The following CMIP variants were observed in gnomAD, a reference collection of about 807,000 sequenced individuals.
CMIP encodes C-Maf-inducing protein.
In CMIP, 13 loss-of-function variants were observed where a neutral mutation model predicts 97.3. The ratio of observed to expected loss-of-function variants is 0.13; its 90% CI spans 0.09 to 0.21. The LOEUF (loss-of-function observed/expected upper bound fraction) is 0.21. Ranked by LOEUF, CMIP falls within the 10% of genes least tolerant of loss-of-function variation. The pLI, the probability that CMIP is intolerant of heterozygous loss-of-function variation, is 1.00. For missense variants in CMIP, 847 were observed against 1,024.9 expected (o/e 0.83, Z 2.37); for synonymous variants, 538 against 436.3 (o/e 1.23, Z -2.91).
chr16:81,681,650 T>G (rs1904887320), intron 10 of CMIP, among the ~76,000 whole-genome samples: 1 of 152,158 alleles, frequency 6.6e-6, no homozygotes, highest in Non-Finnish European at 1.5e-5. Context: ...GCGAGATGCG[T>G]CATTGATTCA....
At chr16:81,646,862 T>C (rs760984690) in intron 3 of CMIP, among the ~76,000 whole-genome samples, 1 of 152,252 alleles carries the variant, frequency 6.6e-6, no homozygotes, top group Non-Finnish European at 1.5e-5. Flanking sequence ...ACATCTTGTT[T>C]ATCCATTCAT....
intron 3 of CMIP, among the ~76,000 whole-genome samples, chr16:81,642,777 T>C (rs1321463514): frequency 1.3e-5 from 2 of 152,094 alleles, no homozygotes; most frequent in African/African-American, 4.8e-5. Flanking sequence ...GCGCCTGTAG[T>C]CCCAGCTACT....
chr16:81,563,330 C>T (rs2090920633), intron 1 of CMIP, among the ~76,000 whole-genome samples: 2 of 152,240 alleles, frequency 1.3e-5, no homozygotes, highest in Non-Finnish European at 2.9e-5. Flanking sequence ...GTTCAAATCC[C>T]AGCTCTGCCT....
chr16:81,695,504 G>C (rs149807272), intron 13 of CMIP: 1 of 152,212 alleles, frequency 6.6e-6, no homozygotes, highest in Non-Finnish European at 1.5e-5. Context: ...GCAGCCAATC[G>C]TCCTTTCCTA....
chr16:81,693,500 T>C lies in CMIP; in HGVS notation c.1530+13T>C. The C allele has an allele frequency of 6.2e-7, 1 of 1,609,738 alleles. No individual in the cohort carries two copies. The highest frequency in any genetic ancestry group is 8.5e-7 in the Non-Finnish European group (1 of 1,177,514). ...CCCCAGGCAAGAGGTGAGGCCTTTGTTTCTGCATCTCAGGCCGGCTGTCTG... is the reference window on the plus strand; with the variant it reads ...CCCCAGGCAAGAGGTGAGGCCTTTGCTTCTGCATCTCAGGCCGGCTGTCTG... On this transcript the variant is annotated intron_variant, in intron 13 of 20. Coordinates refer to ENST00000537098, the MANE Select transcript of CMIP (RefSeq NM_198390.3).
intron 9 of CMIP, among the ~76,000 whole-genome samples, chr16:81,677,595 G>C (rs987885460): frequency 1.3e-5 from 2 of 152,302 alleles, no homozygotes; most frequent in Non-Finnish European, 2.9e-5. Context: ...ATTTCATCTT[G>C]TTTGCCCAGT....
intron 1 of CMIP, among the ~76,000 whole-genome samples, chr16:81,534,644 A>T (rs1046455749): frequency 4.0e-5 from 2 of 50,502 alleles, no homozygotes; most frequent in Non-Finnish European, 1.2e-4. Context: ...CATTCCCCAT[A>T]AAAAAAAAAA....
intron 14 of CMIP, chr16:81,696,930 A>G: frequency 3.8e-6 from 2 of 532,128 alleles, no homozygotes; most frequent in South Asian, 4.7e-5. Context: ...AAGACGACAC[A>G]TGTCATTGCC....
intron 1 of CMIP, among the ~76,000 whole-genome samples, chr16:81,529,417 C>A (rs1460299941): frequency 6.6e-6 from 1 of 152,132 alleles, no homozygotes; most frequent in Non-Finnish European, 1.5e-5. Context: ...GGCTCTGGAT[C>A]TGTCAGCAGT....
At chr16:81,634,930 G>A (rs989968992) in intron 3 of CMIP, among the ~76,000 whole-genome samples, 15 of 152,246 alleles carry the variant, frequency 9.9e-5, no homozygotes, top group Non-Finnish European at 2.1e-4. Flanking sequence ...CCGTCTTGAG[G>A]CCTGGCAAGG....
intron 19 of CMIP, 126 bp downstream of exon 19, chr16:81,705,730 C>T (rs1168519844): frequency 1.1e-5 from 7 of 625,924 alleles, no homozygotes; most frequent in East Asian, 2.8e-5. Flanking sequence ...CATTCACAAA[C>T]GTGTTCACTG....
At position 81,674,213 on chromosome 16, in the gene CMIP, C is replaced by T. The variant is rs148517933; in HGVS notation, c.1034+2143C>T. 2.1e-4 allele frequency among the ~76,000 whole-genome samples: 32 copies of T among 152,298 alleles called. No homozygotes were observed. The South Asian group carries it at 3.7e-3, about 18-fold the overall frequency. On this transcript the variant is annotated intron_variant, in intron 9 of 20. Transcript: ENST00000537098. The stretch of plus-strand genomic sequence containing the variant: ...CAGAATGTGGAGATGGGAGGCTGCT[C>T]ATTCCCAAGGGCATGTTCTGGAGCT...
chr16:81,669,713 TACCCACCTCACACTCACCTCCTTCCAC>T (rs2092662530), intron 7 of CMIP, among the ~76,000 whole-genome samples: 1 of 86,944 alleles, frequency 1.2e-5, no homozygotes, highest in South Asian at 5.2e-4. Flanking sequence ...CCTCCTCCCA[TACCCACCTCACACTCACCTCCTTCCAC>T]ACCCACCTCT....
intron 1 of CMIP, among the ~76,000 whole-genome samples, chr16:81,456,652 C>T (rs1351819988): frequency 6.6e-6 from 1 of 152,204 alleles, no homozygotes; most frequent in Non-Finnish European, 1.5e-5. Context: ...GAGGAGAGGT[C>T]CCTACTTACC....
chr16:81,553,549 G>A (rs2090702025), intron 1 of CMIP, among the ~76,000 whole-genome samples: 1 of 152,216 alleles, frequency 6.6e-6, no homozygotes, highest in African/African-American at 2.4e-5. Context: ...AACAGGGGAG[G>A]CAACTGTGAC....
At chr16:81,633,268 C>A (rs2092189562) in intron 3 of CMIP, among the ~76,000 whole-genome samples, 1 of 152,190 alleles carries the variant, frequency 6.6e-6, no homozygotes, top group South Asian at 2.1e-4. Flanking sequence ...AGTGGAGGCC[C>A]CTGAGCTGGG....
At chr16:81,549,330 G>A (rs975468670) in intron 1 of CMIP, among the ~76,000 whole-genome samples, 2 of 152,202 alleles carry the variant, frequency 1.3e-5, no homozygotes, top group East Asian at 1.9e-4. Flanking sequence ...GGAAAATGCC[G>A]GGCTTGCAAA....
In CMIP at chr16:81,570,258, G is replaced by C. The variant is rs183036718; in HGVS notation, c.301-37309G>C. Among the ~76,000 whole-genome samples the C allele has an allele frequency of 9.5e-4, 144 of 152,252 alleles. 1 individual carries two copies. The highest frequency in any genetic ancestry group is 1.6e-4 in the Non-Finnish European group (11 of 68,022). On this transcript the variant is annotated intron_variant, in intron 1 of 20. Coordinates refer to ENST00000537098, the MANE Select transcript of CMIP (RefSeq NM_198390.3). ...GGGTGGAGAAGGCGCATCCTCTGGG[G>C]GTCGTGGACCTTCCAAAAGCCAATC...
intron 2 of CMIP, among the ~76,000 whole-genome samples, chr16:81,613,331 A>G (rs1567610556): frequency 6.6e-6 from 1 of 151,920 alleles, no homozygotes; most frequent in Admixed American, 6.5e-5. Context: ...AGGAGCTCAG[A>G]TGCATTGCTT....
Sources: gnomAD v4.1 joint callset for allele counts (sites outside exome capture counted in the v4.1 genomes callset) on GRCh38, gnomAD v4.1.1 for gene constraint, MANE v1.5 for transcripts, NCBI Gene and HGNC (gene_info 2026-07-23, HGNC 2026-07-21) for gene names.